Variants in ITSN2 observed in about 807,000 individuals in gnomAD.
The protein encoded by ITSN2 is intersectin-2.
ITSN2 carries 156 observed loss-of-function variants against 243.7 expected under a neutral mutation model. The observed-to-expected ratio is 0.64, with a 90% CI of 0.56 to 0.73. ITSN2 has a LOEUF of 0.73. Ranked by LOEUF, ITSN2 falls within the 30% of genes least tolerant of loss-of-function variation. The pLI is 0.00. For synonymous variants in ITSN2, 703 were observed against 699.9 expected (o/e 1.00, Z -0.07); for missense variants, 1,801 against 1,996.1 (o/e 0.90, Z 1.86).
chr2:24,226,145 G>A (rs1671009186), intron 29 of ITSN2, among the ~76,000 whole-genome samples: 1 of 152,216 alleles, frequency 6.6e-6, no homozygotes, highest in South Asian at 2.1e-4. Context: ...AGCACAGCGT[G>A]TTGGCTACCT....
At chr2:24,305,944 C>T (rs1682474843) in intron 8 of ITSN2, among the ~76,000 whole-genome samples, 1 of 152,160 alleles carries the variant, frequency 6.6e-6, no homozygotes, top group African/African-American at 2.4e-5. Context: ...AGTTACAGTA[C>T]TTATACAAAG....
chr2:24,331,870 C>G (rs1444987672), intron 1 of ITSN2, among the ~76,000 whole-genome samples: 1 of 152,182 alleles, frequency 6.6e-6, no homozygotes, highest in Non-Finnish European at 1.5e-5. Flanking sequence ...AAATGTCAAC[C>G]CTCACTCTAA....
rs1197708156 is a variant in ITSN2 at position 24,204,330 on chromosome 2, A to G, written c.4851T>C (p.Asn1617=). The G allele has an allele frequency of 1.2e-6, 2 of 1,614,098 alleles. No individual in the cohort carries two copies. The highest frequency in any genetic ancestry group is 2.7e-5 in the African/African-American group (2 of 74,928). ...CCTTAATAAAGAACTGGCAGTTAAA[A>G]TTCCACTTGGGATTGAGTGTGTCCT... is the stretch of plus-strand genomic sequence containing the variant. ...TIQDTLNPKW[N]FNCQFFIKDL... is the part of the protein sequence containing the mutation. Residue 1617 remains asparagine (N), a synonymous_variant, in exon 39 of 40, where the codon AAT becomes AAC. Coordinates refer to ENST00000355123, the MANE Select transcript of ITSN2 (RefSeq NM_006277.3). The surrounding 1 kb of genome is among the most constrained non-coding windows in gnomAD (Gnocchi z 5.1).
intron 2 of ITSN2, among the ~76,000 whole-genome samples, chr2:24,318,839 G>A (rs991136251): frequency 3.3e-5 from 5 of 152,176 alleles, no homozygotes; most frequent in Non-Finnish European, 5.9e-5. Context: ...CTGGTCTGTG[G>A]CCTGTTAGGA....
intron 5 of ITSN2, 57 bp from the exon 6 acceptor site, chr2:24,310,749 G>T (rs753091958): frequency 6.9e-7 from 1 of 1,439,138 alleles, no homozygotes; most frequent in Non-Finnish European, 9.6e-7. Context: ...TAAAACACAT[G>T]CAAAAAACAA....
intron 32 of ITSN2, among the ~76,000 whole-genome samples, chr2:24,214,163 G>A (rs931467685): frequency 5.3e-5 from 8 of 152,148 alleles, no homozygotes; most frequent in Non-Finnish European, 8.8e-5. Flanking sequence ...GGTTATGATA[G>A]GCTCTTCTTT....
At chr2:24,203,933 T>G (rs1668573228) in intron 39 of ITSN2, 150 bp from the exon 40 acceptor site, 2 of 759,922 alleles carry the variant, frequency 2.6e-6, no homozygotes, top group South Asian at 1.9e-5. Context: ...TGAGTGGGTG[T>G]GTGGGGAATG....
intron 23 of ITSN2, among the ~76,000 whole-genome samples, chr2:24,255,738 C>T (rs1674940892): frequency 6.6e-6 from 1 of 151,990 alleles, no homozygotes; most frequent in Non-Finnish European, 1.5e-5. Context: ...ACCAGCCTGG[C>T]CAACGTAGTG....
intron 21 of ITSN2, 21 bp from the exon 22 acceptor site, chr2:24,261,271 T>C: frequency 1.9e-6 from 3 of 1,569,390 alleles, no homozygotes; most frequent in Admixed American, 1.7e-5. Context: ...AACACTTTGA[T>C]ATAAGTATAT....
intron 1 of ITSN2, among the ~76,000 whole-genome samples, chr2:24,337,373 CAG>C (rs1686567690): frequency 3.5e-5 from 2 of 56,544 alleles, no homozygotes; most frequent in Non-Finnish European, 7.6e-5. Flanking sequence ...TTTTTTAAGA[CAG>C]AGTCTCGCTC....
chr2:24,282,340 A>C (rs928317215), intron 17 of ITSN2, among the ~76,000 whole-genome samples: 2 of 152,198 alleles, frequency 1.3e-5, no homozygotes, highest in African/African-American at 4.8e-5. Flanking sequence ...GAGCAGTGAG[A>C]AATCAGGTTG....
At chr2:24,223,841 C>A in intron 29 of ITSN2, among the ~76,000 whole-genome samples, 9 of 112,430 alleles carry the variant, frequency 8.0e-5, no homozygotes, top group African/African-American at 1.0e-4. Flanking sequence ...AGGAAAGAAA[C>A]AAGAAAAAGA....
intron 1 of ITSN2, among the ~76,000 whole-genome samples, chr2:24,356,345 C>CAAA (rs70944743): frequency 9.1e-6 from 1 of 109,392 alleles, no homozygotes. Context: ...GACCCTGTCT[C>CAAA]AAAAAAAAAA....
intron 29 of ITSN2, among the ~76,000 whole-genome samples, chr2:24,222,879 T>C (rs1670619721): frequency 6.6e-6 from 1 of 152,112 alleles, no homozygotes; most frequent in Admixed American, 6.5e-5. Flanking sequence ...TTTCACCGTA[T>C]TGGCCAGGCT....
At position 24,300,017 on chromosome 2, in the gene ITSN2, T is replaced by C; in HGVS notation, c.1236A>G (p.Gln412=). 1 of 1,614,216 alleles carries C rather than the reference T, an allele frequency of 6.2e-7. No homozygotes were observed. ...CAAGTTGTTTCTTCCATTCTTGTTC[T>C]TGTAATTCTCTCTGTTTTCGTTCCC... is the stretch of plus-strand genomic sequence containing the variant. ...EEWERKQREL[Q]EQEWKKQLEL... is the part of the protein sequence containing the mutation. The change falls in exon 12 of 40, where the codon CAA becomes CAG. Residue 412 remains glutamine, a synonymous_variant. Coordinates refer to ENST00000355123, the MANE Select transcript of ITSN2 (RefSeq NM_006277.3).
At position 24,295,743 on chromosome 2, in the gene ITSN2, T is replaced by G. The variant is rs780920883; in HGVS notation, c.1556A>C (p.Gln519Pro). ...LQDVRLKKQT[Q>P]KTELEVLDKQ... ...ATCCAGAACTTCCAGCTCAGTCTTT[T>G]GAGTTTGCTTTTTGAGTCGGACATC... Residue 519 changes from glutamine (Q) to proline (P), a missense_variant, in exon 14 of 40, where the codon CAA becomes CCA. Transcript: ENST00000355123. 3.8e-6 allele frequency: 6 copies of G among 1,567,592 alleles called. No homozygotes were observed. Among genetic ancestry groups the G allele is most frequent in the Non-Finnish European group, 5.2e-6 (6 of 1,163,130 alleles).
chr2:24,233,474 CT>C (rs1671825982), intron 29 of ITSN2, among the ~76,000 whole-genome samples: 1 of 152,168 alleles, frequency 6.6e-6, no homozygotes, highest in African/African-American at 2.4e-5. Flanking sequence ...TTGCAATTAA[CT>C]GATGACTGTT....
At chr2:24,215,644 G>A (rs1421425441) in intron 32 of ITSN2, among the ~76,000 whole-genome samples, 3 of 148,050 alleles carry the variant, frequency 2.0e-5, no homozygotes, top group Non-Finnish European at 4.4e-5. Flanking sequence ...TCCAGCCTGG[G>A]CAACAGAGCA....
At chr2:24,293,634 G>A in intron 15 of ITSN2, 54 bp downstream of exon 15, 1 of 674,506 alleles carries the variant, frequency 1.5e-6, no homozygotes, top group Non-Finnish European at 2.6e-6. Context: ...CAATGTGACT[G>A]ATACAGTCAT....
Sources: gnomAD v4.1 joint callset for allele counts (sites outside exome capture counted in the v4.1 genomes callset) on GRCh38, gnomAD v4.1.1 for gene constraint, Gnocchi (gnomAD v3.1) non-coding constraint, MANE v1.5 for transcripts, NCBI Gene and HGNC (gene_info 2026-07-23, HGNC 2026-07-21) for gene names.